Variants in SND1 observed in about 807,000 individuals in gnomAD.
SND1 encodes the protein staphylococcal nuclease domain-containing protein 1.
Under a neutral mutation model 121.7 loss-of-function variants are expected in SND1, and 38 were observed. That is an observed-to-expected ratio of 0.31 (90% CI 0.24 to 0.41). The LOEUF (loss-of-function observed/expected upper bound fraction) is 0.41, where lower values mean the gene tolerates loss of function less well. Ranked by LOEUF, SND1 falls within the 10% of genes least tolerant of loss-of-function variation. The probability of loss-of-function intolerance (pLI) is 1.00; values close to 1 mark genes in which losing one functional copy is unlikely to be tolerated. For missense variants in SND1, 868 were observed against 1,184.6 expected, an observed-to-expected ratio of 0.73 and a Z score of 3.92; for synonymous variants, 401 against 447.4, an observed-to-expected ratio of 0.90 and a Z score of 1.31.
chr7:127,672,644 A>G (rs1292005440), intron 1 of SND1, among the ~76,000 whole-genome samples: 1 of 151,978 alleles, frequency 6.6e-6, no homozygotes, highest in African/African-American at 2.4e-5. Flanking sequence ...AGAAATTAAC[A>G]TGGATACAAT....
At chr7:128,081,267 A>G in intron 17 of SND1, 93 bp from the exon 18 acceptor site, 1 of 1,518,652 alleles carries the variant, frequency 6.6e-7, no homozygotes, top group Non-Finnish European at 9.0e-7. Flanking sequence ...AAGTGCTGGG[A>G]TTACAGGCAT....
chr7:127,887,765 C>T (rs1464020990), intron 12 of SND1, 137 bp from the exon 13 acceptor site: 13 of 564,850 alleles, frequency 2.3e-5, no homozygotes, highest in Non-Finnish European at 3.8e-5. Context: ...CTTAGCAACT[C>T]ATAGGTCTTG....
chr7:128,026,317 G>A (rs1172969987), intron 16 of SND1, among the ~76,000 whole-genome samples: 1 of 152,166 alleles, frequency 6.6e-6, no homozygotes, highest in Non-Finnish European at 1.5e-5. Context: ...ATAAGTGTGT[G>A]CCCATACATA....
At chr7:127,837,367 C>T (rs548843876) in intron 11 of SND1, among the ~76,000 whole-genome samples, 10 of 152,160 alleles carry the variant, frequency 6.6e-5, no homozygotes, top group African/African-American at 1.2e-4. Context: ...TATATTGACA[C>T]GATGTTTTAG....
intron 10 of SND1, among the ~76,000 whole-genome samples, chr7:127,774,347 A>G (rs879659443): frequency 6.6e-6 from 1 of 152,346 alleles, no homozygotes; most frequent in Non-Finnish European, 1.5e-5. Flanking sequence ...TAAAAAAGTT[A>G]TAGTAAGCCA....
At chr7:127,843,514 C>G (rs1159219800) in intron 11 of SND1, among the ~76,000 whole-genome samples, 2 of 152,178 alleles carry the variant, frequency 1.3e-5, no homozygotes, top group Non-Finnish European at 2.9e-5. Context: ...TTTAAAGTGT[C>G]TGCTTTCACT....
At chr7:127,883,703 C>A (rs1012408381) in intron 12 of SND1, among the ~76,000 whole-genome samples, 3 of 152,162 alleles carry the variant, frequency 2.0e-5, no homozygotes, top group Non-Finnish European at 2.9e-5. Context: ...TGGAATACTT[C>A]AAGAAAACGA....
At chr7:127,826,938 C>G (rs771060559) in intron 11 of SND1, among the ~76,000 whole-genome samples, 12 of 152,194 alleles carry the variant, frequency 7.9e-5, no homozygotes, top group Non-Finnish European at 1.8e-4. Context: ...AGGGTAGCTT[C>G]TAAAATGACT....
In SND1 at chr7:128,085,837, C is replaced by T; in HGVS notation, c.2304+57C>T. ...CTATCAAACACAGCAGCCCCCGAGT[C>T]AAATCCATCTGATCTCTCCAAGGTC... On this transcript the variant is annotated intron_variant, in intron 20 of 23. Coordinates refer to ENST00000354725, the MANE Select transcript of SND1 (RefSeq NM_014390.4). This position sits in a 1 kb window ranked among gnomAD's most constrained non-coding sequence, Gnocchi z 4.4. 2.8e-6 allele frequency: 4 copies of T among 1,413,788 alleles called. No homozygotes were observed. The highest frequency in any genetic ancestry group is 4.0e-6 in the Non-Finnish European group (4 of 998,426). The allele number at this position is 1,413,788 out of a possible 1,614,324, so 87.6% of individuals were successfully genotyped here. A position where few individuals can be genotyped will look rare whatever the true frequency, so the allele number is the denominator to read the frequency against.
intron 12 of SND1, among the ~76,000 whole-genome samples, chr7:127,851,539 A>C (rs1451717970): frequency 6.6e-6 from 1 of 151,660 alleles, no homozygotes; most frequent in East Asian, 1.9e-4. Context: ...ATTCATCCAC[A>C]CTCTCTTGTT....
intron 10 of SND1, among the ~76,000 whole-genome samples, chr7:127,763,046 G>A (rs1797333678): frequency 6.6e-6 from 1 of 152,168 alleles, no homozygotes; most frequent in Non-Finnish European, 1.5e-5. Context: ...CTCAGAAAAG[G>A]TAGAAACAGT....
chr7:127,966,040 G>A (rs1219394885), intron 15 of SND1, among the ~76,000 whole-genome samples: 115 of 127,944 alleles, frequency 9.0e-4, no homozygotes, highest in African/African-American at 3.2e-3. Context: ...TAGTTTATTT[G>A]CGTAGAGGTG....
At chr7:128,003,942 T>C (rs2116937012) in intron 16 of SND1, among the ~76,000 whole-genome samples, 1 of 152,220 alleles carries the variant, frequency 6.6e-6, no homozygotes, top group Non-Finnish European at 1.5e-5. Context: ...GCTGCAGACG[T>C]GGCCATTTCC....
At chr7:127,674,393 T>C (rs1795581404) in intron 1 of SND1, among the ~76,000 whole-genome samples, 1 of 152,246 alleles carries the variant, frequency 6.6e-6, no homozygotes, top group Non-Finnish European at 1.5e-5. Flanking sequence ...ACAGGATTTT[T>C]TTTTCTGGAC....
chr7:127,923,802 A>G lies in SND1; in HGVS notation c.1528-5386A>G, dbSNP rs149862567. On this transcript the variant is annotated intron_variant, in intron 14 of 23. Coordinates refer to ENST00000354725, the MANE Select transcript of SND1 (RefSeq NM_014390.4). ...ATAACGATGGCAGTGAATGATCACC[A>G]TACACCATACACCATACACAATACA... Among the ~76,000 whole-genome samples, 156 of 152,262 alleles carry G rather than the reference A, an allele frequency of 1.0e-3. 1 individual carries two copies. The highest frequency in any genetic ancestry group is 3.4e-3 in the Middle Eastern group (1 of 294).
chr7:128,036,227 G>A (rs910036671), intron 16 of SND1, among the ~76,000 whole-genome samples: 1 of 149,140 alleles, frequency 6.7e-6, no homozygotes, highest in Admixed American at 6.7e-5. Context: ...GTGTGTCTTA[G>A]TTCCACCCAC....
At chr7:127,924,666 C>T (rs1321388915) in intron 14 of SND1, among the ~76,000 whole-genome samples, 2 of 152,176 alleles carry the variant, frequency 1.3e-5, no homozygotes, top group Non-Finnish European at 2.9e-5. Flanking sequence ...CACTTCTATC[C>T]TGTGCCTGCT....
intron 12 of SND1, among the ~76,000 whole-genome samples, chr7:127,877,718 C>T (rs1251057834): frequency 6.6e-6 from 1 of 152,058 alleles, no homozygotes; most frequent in Non-Finnish European, 1.5e-5. Context: ...CAGACATGAG[C>T]TACCGCGTCC....
At chr7:127,666,384 A>G (rs529024236) in intron 1 of SND1, among the ~76,000 whole-genome samples, 182 of 152,332 alleles carry the variant, frequency 1.2e-3, no homozygotes, top group African/African-American at 4.4e-3. Context: ...CTGAAAGGCA[A>G]TGTAGAGAGA....
Sources: allele counts gnomAD v4.1 joint callset (sites outside exome capture counted in the v4.1 genomes callset), GRCh38; gene constraint gnomAD v4.1.1; non-coding constraint Gnocchi (gnomAD v3.1); transcripts MANE v1.5; gene names NCBI Gene and HGNC (gene_info 2026-07-23, HGNC 2026-07-21).